CTNNA3: variants seen among roughly 807,000 people sequenced by gnomAD.
The protein encoded by CTNNA3 is catenin alpha 3.
CTNNA3 carries 76 observed loss-of-function variants against 95.7 expected under a neutral mutation model. That is an observed-to-expected ratio of 0.79 (90% CI 0.66 to 0.96). The LOEUF is 0.96. Among genes scored for constraint, CTNNA3 ranks in the 40% least tolerant of loss-of-function variants. CTNNA3 has a pLI of 0.00. For missense variants in CTNNA3, 1,191 were observed against 1,089.8 expected, an observed-to-expected ratio of 1.09 and a Z score of -1.31; for synonymous variants, 431 against 374.4, an observed-to-expected ratio of 1.15 and a Z score of -1.74.
intron 11 of CTNNA3, among the ~76,000 whole-genome samples, chr10:66,436,432 C>T (rs2093338008): frequency 6.6e-6 from 1 of 151,028 alleles, no homozygotes. Context: ...TATGTAATGC[C>T]CTTCTTTGTC....
At chr10:66,708,741 T>C (rs1398452355) in intron 9 of CTNNA3, among the ~76,000 whole-genome samples, 1 of 152,078 alleles carries the variant, frequency 6.6e-6, no homozygotes, top group Non-Finnish European at 1.5e-5. Context: ...AAGTTGATCA[T>C]GTCTCACCAC....
intron 13 of CTNNA3, among the ~76,000 whole-genome samples, chr10:66,266,954 A>G (rs1414009726): frequency 6.6e-6 from 1 of 152,026 alleles, no homozygotes; most frequent in Non-Finnish European, 1.5e-5. Context: ...TGAAATTTCT[A>G]TCCTCCTTTA....
intron 15 of CTNNA3, among the ~76,000 whole-genome samples, chr10:66,019,396 G>T (rs536585448): frequency 6.6e-6 from 1 of 151,898 alleles, no homozygotes; most frequent in Non-Finnish European, 1.5e-5. Context: ...CCTATCTTTC[G>T]CTTGCCTTCA....
chr10:67,101,999 G>A (rs1858374936), intron 7 of CTNNA3, among the ~76,000 whole-genome samples: 2 of 151,702 alleles, frequency 1.3e-5, no homozygotes, highest in Non-Finnish European at 3.0e-5. Context: ...GGCCTCAGGA[G>A]AAAAGGTGAA....
chr10:67,199,856 A>G (rs1452257627), intron 6 of CTNNA3, among the ~76,000 whole-genome samples: 1 of 152,158 alleles, frequency 6.6e-6, no homozygotes, highest in Non-Finnish European at 1.5e-5. Context: ...AAGAGCATAA[A>G]CTATATCCTT....
At chr10:66,691,018 C>T (rs1847509332) in intron 9 of CTNNA3, among the ~76,000 whole-genome samples, 1 of 152,152 alleles carries the variant, frequency 6.6e-6, no homozygotes, top group African/African-American at 2.4e-5. Flanking sequence ...TCTACAGCTC[C>T]CAGAGTGATC....
chr10:67,475,435 T>C (rs1003025706), intron 5 of CTNNA3, among the ~76,000 whole-genome samples: 2 of 152,138 alleles, frequency 1.3e-5, no homozygotes, highest in Non-Finnish European at 2.9e-5. Flanking sequence ...AAAAAATCTG[T>C]CATAAAAAAA....
At chr10:67,021,340 C>T (rs1436775991) in intron 7 of CTNNA3, among the ~76,000 whole-genome samples, 2 of 152,018 alleles carry the variant, frequency 1.3e-5, no homozygotes, top group East Asian at 3.9e-4. Context: ...GTAAGAAGCA[C>T]TTGTATACAA....
intron 5 of CTNNA3, among the ~76,000 whole-genome samples, chr10:67,369,901 T>C (rs1431378474): frequency 5.3e-5 from 8 of 152,158 alleles, no homozygotes; most frequent in Admixed American, 5.2e-4. Flanking sequence ...TGGCAATATC[T>C]GTACAAATTA....
chr10:66,120,844 G>C (rs531791887), intron 13 of CTNNA3, among the ~76,000 whole-genome samples: 4 of 152,094 alleles, frequency 2.6e-5, no homozygotes, highest in African/African-American at 4.8e-5. Flanking sequence ...AGTCCAAAGA[G>C]AGGAAAAGAA....
chr10:67,691,841 G>A (rs2133589885), intron 1 of CTNNA3, among the ~76,000 whole-genome samples: 1 of 148,812 alleles, frequency 6.7e-6, no homozygotes, highest in East Asian at 2.1e-4. Context: ...CTACTGGGAA[G>A]TGAGGAGCCC....
At chr10:66,946,134 A>G (rs1418593967) in intron 7 of CTNNA3, among the ~76,000 whole-genome samples, 2 of 152,200 alleles carry the variant, frequency 1.3e-5, no homozygotes, top group African/African-American at 2.4e-5. Context: ...TTCAGTTTGT[A>G]AAAATCATAA....
intron 11 of CTNNA3, among the ~76,000 whole-genome samples, chr10:66,450,743 T>A (rs1358012349): frequency 6.6e-6 from 1 of 152,124 alleles, no homozygotes; most frequent in African/African-American, 2.4e-5. Context: ...CCTCATTTCC[T>A]CACAAGCTAG....
chr10:67,700,750 C>A (rs536077147), upstream of CTNNA3, among the ~76,000 whole-genome samples: 3 of 152,270 alleles, frequency 2.0e-5, no homozygotes, highest in South Asian at 6.2e-4. Context: ...CAGCTCCTCA[C>A]CAGCAACGGA....
intron 11 of CTNNA3, among the ~76,000 whole-genome samples, chr10:66,498,700 A>T (rs907353809): frequency 1.3e-5 from 2 of 152,150 alleles, no homozygotes; most frequent in African/African-American, 4.8e-5. Flanking sequence ...ACATTGGTGA[A>T]AGGTGCAGAG....
At chr10:66,268,024 G>T (rs965613861) in intron 13 of CTNNA3, among the ~76,000 whole-genome samples, 1 of 152,042 alleles carries the variant, frequency 6.6e-6, no homozygotes, top group Non-Finnish European at 1.5e-5. Flanking sequence ...ATAAGCAAAA[G>T]ACTGTTTAAA....
At chr10:66,390,040 T>C (rs1408759752) in intron 11 of CTNNA3, among the ~76,000 whole-genome samples, 1 of 152,160 alleles carries the variant, frequency 6.6e-6, no homozygotes, top group Non-Finnish European at 1.5e-5. Context: ...CTGGCCAGTT[T>C]TCAACAGTTA....
intron 11 of CTNNA3, among the ~76,000 whole-genome samples, chr10:66,507,281 T>C (rs1472879353): frequency 2.0e-5 from 3 of 152,146 alleles, no homozygotes; most frequent in Admixed American, 1.3e-4. Flanking sequence ...GATACATGTA[T>C]ACAGTGTGTG....
In CTNNA3 at chr10:67,589,899, C is replaced by T. The variant is rs973846230; in HGVS notation, c.292+16958G>A. The stretch of plus-strand genomic sequence containing the variant: ...CACACAGATCATTAGTTATCTTTTT[C>T]CCCAACAACAAAACTAAATAATATT... On this transcript the variant is annotated intron_variant, in intron 3 of 17. Transcript: ENST00000433211. Among the ~76,000 whole-genome samples the T allele has an allele frequency of 4.3e-4, 66 of 151,976 alleles. 1 individual carries two copies. Among genetic ancestry groups the T allele is most frequent in the Non-Finnish European group, 5.2e-4 (35 of 67,948 alleles).
Sources: gnomAD v4.1 joint callset for allele counts (sites outside exome capture counted in the v4.1 genomes callset) on GRCh38, gnomAD v4.1.1 for gene constraint, MANE v1.5 for transcripts, NCBI Gene and HGNC (gene_info 2026-07-23, HGNC 2026-07-21) for gene names.